AGO3: variants seen among roughly 807,000 people sequenced by gnomAD.
AGO3 encodes argonaute RISC catalytic component 3.
Under a neutral mutation model 105.5 loss-of-function variants are expected in AGO3, and 16 were observed. The observed-to-expected ratio is 0.15, with a 90% CI of 0.10 to 0.23. The LOEUF (loss-of-function observed/expected upper bound fraction) is 0.23, where lower values mean the gene tolerates loss of function less well. Among genes scored for constraint, AGO3 ranks in the 10% least tolerant of loss-of-function variants. AGO3 has a pLI of 1.00. For missense variants in AGO3, 534 were observed against 1,088.0 expected (o/e 0.49, Z 7.16); for synonymous variants, 340 against 367.3 (o/e 0.93, Z 0.85).
Position 36,016,689 on chromosome 1 carries a change from G to T in AGO3, c.1406+2641G>T, listed in dbSNP as rs147682586. On this transcript the variant is annotated intron_variant, in intron 11 of 18. Transcript: ENST00000373191. The stretch of plus-strand genomic sequence containing the variant: ...CCCACTGGGAAATAGCAGAACAATG[G>T]GTTTTGTAAAATGGGAACAAGGACT... Among the ~76,000 whole-genome samples, 535 of 152,116 alleles carry T rather than the reference G, an allele frequency of 3.5e-3. 2 individuals carry two copies. The highest frequency in any genetic ancestry group is 6.0e-3 in the Non-Finnish European group (409 of 67,988).
chr1:36,040,872 A>G (rs375865778), intron 16 of AGO3, among the ~76,000 whole-genome samples: 1 of 152,066 alleles, frequency 6.6e-6, no homozygotes, highest in Non-Finnish European at 1.5e-5. Flanking sequence ...CAGGAGTTCA[A>G]GACCAGCCTG....
At chr1:35,947,219 T>G (rs1256784573) in intron 2 of AGO3, among the ~76,000 whole-genome samples, 1 of 152,138 alleles carries the variant, frequency 6.6e-6, no homozygotes, top group Non-Finnish European at 1.5e-5. Context: ...GTTCTTTGCA[T>G]TACATGTTAA....
At chr1:35,948,280 C>G (rs1485174722) in intron 2 of AGO3, among the ~76,000 whole-genome samples, 1 of 149,664 alleles carries the variant, frequency 6.7e-6, no homozygotes, top group African/African-American at 2.5e-5. Flanking sequence ...TGCAATGGCG[C>G]GATTTCCGCT....
intron 2 of AGO3, among the ~76,000 whole-genome samples, chr1:35,954,423 T>C (rs1358657096): frequency 6.6e-6 from 1 of 152,126 alleles, no homozygotes; most frequent in Admixed American, 6.5e-5. Context: ...TAAATTACAA[T>C]AGCTGTATAG....
intron 5 of AGO3, among the ~76,000 whole-genome samples, chr1:35,984,771 G>T (rs910815022): frequency 1.3e-5 from 2 of 152,158 alleles, no homozygotes; most frequent in Non-Finnish European, 2.9e-5. Context: ...ATAGGAGGAG[G>T]AGCATCCAAA....
intron 5 of AGO3, among the ~76,000 whole-genome samples, chr1:35,978,091 A>G (rs2148780403): frequency 6.6e-6 from 1 of 152,280 alleles, no homozygotes; most frequent in African/African-American, 2.4e-5. Flanking sequence ...AATATTTTCT[A>G]TTATTCTAGC....
chr1:35,935,893 G>T (rs1050538944), intron 1 of AGO3, among the ~76,000 whole-genome samples: 2 of 152,160 alleles, frequency 1.3e-5, no homozygotes, highest in African/African-American at 4.8e-5. Context: ...ATAAGTTTTT[G>T]TTGTTGCTAA....
intron 17 of AGO3, among the ~76,000 whole-genome samples, chr1:36,047,879 C>CA (rs75638046): frequency 0.14 from 20,661 of 144,486 alleles, 3,298 homozygotes; most frequent in East Asian, 0.66. Flanking sequence ...GGCCCTGTCT[C>CA]AAAAAAAAAA....
At chr1:35,988,084 A>G (rs1256432227) in intron 5 of AGO3, among the ~76,000 whole-genome samples, 1 of 152,114 alleles carries the variant, frequency 6.6e-6, no homozygotes, top group African/African-American at 2.4e-5. Flanking sequence ...GAAAAAAAAG[A>G]AAAAGACCTA....
chr1:36,068,754 A>G lies in AGO3; in HGVS notation c.*13009A>G, dbSNP rs995806467. On this transcript the variant is annotated 3_prime_UTR_variant, in exon 19 of 19. Transcript: ENST00000373191. ...TTTATGTATTTATTCTGACTTTATT[A>G]TACAGCTTATGTCTCACATCTGCCT... is the stretch of plus-strand genomic sequence containing the variant. The G allele has an allele frequency of 3.3e-5, 5 of 152,338 alleles. No homozygotes were observed. Among genetic ancestry groups the G allele is most frequent in the Admixed American group, 6.5e-5 (1 of 15,294 alleles). The allele number at this position is 152,338 out of a possible 1,614,324, so 9.4% of individuals were successfully genotyped here. A position where few individuals can be genotyped will look rare whatever the true frequency, so the allele number is the denominator to read the frequency against.
intron 5 of AGO3, among the ~76,000 whole-genome samples, chr1:36,000,523 T>G (rs1313504137): frequency 6.6e-6 from 1 of 152,156 alleles, no homozygotes; most frequent in Non-Finnish European, 1.5e-5. Context: ...ATCTGAAATA[T>G]TAGTTGTGAA....
intron 2 of AGO3, among the ~76,000 whole-genome samples, chr1:35,964,469 T>C (rs989025140): frequency 2.0e-5 from 3 of 152,236 alleles, no homozygotes; most frequent in South Asian, 2.1e-4. Context: ...TTCTTTTTTA[T>C]GACTGCATAG....
At chr1:35,951,591 G>T (rs1217490771) in intron 2 of AGO3, among the ~76,000 whole-genome samples, 1 of 152,048 alleles carries the variant, frequency 6.6e-6, no homozygotes, top group East Asian at 1.9e-4. Flanking sequence ...GTTTAGCTAT[G>T]TTGCCCAGGC....
At chr1:36,000,974 G>A (rs1640056557) in intron 5 of AGO3, among the ~76,000 whole-genome samples, 1 of 151,988 alleles carries the variant, frequency 6.6e-6, no homozygotes, top group African/African-American at 2.4e-5. Flanking sequence ...GGTGGCTCAC[G>A]CCTGTAATCC....
intron 3 of AGO3, among the ~76,000 whole-genome samples, chr1:35,967,875 T>C (rs1646802376): frequency 6.6e-6 from 1 of 152,206 alleles, no homozygotes; most frequent in Non-Finnish European, 1.5e-5. Context: ...AGTATTATTT[T>C]TCTCCTCTGT....
chr1:36,053,781 G>A (rs1266726549), intron 17 of AGO3, among the ~76,000 whole-genome samples: 5 of 115,200 alleles, frequency 4.3e-5, no homozygotes, highest in Non-Finnish European at 6.7e-5. Flanking sequence ...AGACAGTCTC[G>A]CTCTGTCACC....
At chr1:35,969,194 TTATA>T (rs1646824533) in intron 3 of AGO3, among the ~76,000 whole-genome samples, 1 of 152,114 alleles carries the variant, frequency 6.6e-6, no homozygotes, top group Non-Finnish European at 1.5e-5. Context: ...TAGGAGTTCT[TTATA>T]TATATTCTGG....
chr1:36,019,678 G>T (rs1038167285), intron 11 of AGO3, among the ~76,000 whole-genome samples: 4 of 152,206 alleles, frequency 2.6e-5, no homozygotes, highest in Admixed American at 6.5e-5. Flanking sequence ...GTCTTCTCAA[G>T]ATTATGGGTT....
chr1:35,951,885 A>ATTTACATGCCATAAGTCACCCAT (rs1368866002), intron 2 of AGO3, among the ~76,000 whole-genome samples: 2 of 152,124 alleles, frequency 1.3e-5, no homozygotes, highest in Admixed American at 1.3e-4. Context: ...TGGATATATA[A>ATTTACATGCCATAAGTCACCCAT]TTTACATGCC....
Sources: gnomAD v4.1 joint callset for allele counts (sites outside exome capture counted in the v4.1 genomes callset) on GRCh38, gnomAD v4.1.1 for gene constraint, MANE v1.5 for transcripts, NCBI Gene and HGNC (gene_info 2026-07-23, HGNC 2026-07-21) for gene names.